CFAP54: variants seen among roughly 807,000 people sequenced by gnomAD.
CFAP54 encodes the protein cilia- and flagella-associated protein 54.
A neutral mutation model predicts 370.4 loss-of-function variants in CFAP54; 290 were observed. That is an observed-to-expected ratio of 0.78 (90% CI 0.71 to 0.86). The LOEUF is 0.86. Among genes scored for constraint, CFAP54 ranks in the 40% least tolerant of loss-of-function variants. The pLI, the probability that CFAP54 is intolerant of heterozygous loss-of-function variation, is 0.00. For missense variants in CFAP54, 3,399 were observed against 3,528.7 expected, an observed-to-expected ratio of 0.96 and a Z score of 0.93; for synonymous variants, 1,206 against 1,236.5, an observed-to-expected ratio of 0.98 and a Z score of 0.52.
chr12:96,658,674 G>A (rs886940028), intron 38 of CFAP54, among the ~76,000 whole-genome samples: 1 of 151,986 alleles, frequency 6.6e-6, no homozygotes, highest in African/African-American at 2.4e-5. Context: ...CACCCAGGCT[G>A]GAGTGCAGTG....
At chr12:96,613,433 G>GACACCCTA (rs1956380952) in intron 26 of CFAP54, among the ~76,000 whole-genome samples, 2 of 152,156 alleles carry the variant, frequency 1.3e-5, no homozygotes, top group African/African-American at 4.8e-5. Context: ...ATCTAAAATT[G>GACACCCTA]ACACCCTAGC....
chr12:96,823,124 GTGTGTGTGTGTGTC>G (rs1318179999), intron 65 of CFAP54, among the ~76,000 whole-genome samples: 2 of 44,642 alleles, frequency 4.5e-5, no homozygotes, highest in Non-Finnish European at 9.9e-5. Flanking sequence ...GTGTTTGTCT[GTGTGTGTGTGTGTC>G]TGTGTGTGTG....
chr12:96,581,371 A>G (rs1288494452), intron 22 of CFAP54, among the ~76,000 whole-genome samples: 2 of 152,180 alleles, frequency 1.3e-5, no homozygotes, highest in Non-Finnish European at 2.9e-5. Context: ...AAACACTGAA[A>G]TGCATAAAGA....
At chr12:96,686,225 C>A (rs971557413) in intron 42 of CFAP54, among the ~76,000 whole-genome samples, 2 of 152,124 alleles carry the variant, frequency 1.3e-5, no homozygotes, top group African/African-American at 4.8e-5. Flanking sequence ...GTGGTCTTTC[C>A]TCAGCATGTC....
intron 64 of CFAP54, among the ~76,000 whole-genome samples, chr12:96,817,344 C>G (rs1958986090): frequency 6.6e-6 from 1 of 151,976 alleles, no homozygotes; most frequent in East Asian, 1.9e-4. Context: ...ATGAATGATG[C>G]TTGGCGATAT....
At position 96,601,866 on chromosome 12, in the gene CFAP54, G is replaced by A. The variant is rs146869816; in HGVS notation, c.3639+3099G>A. 9.5e-3 allele frequency among the ~76,000 whole-genome samples: 1,438 copies of A among 151,996 alleles called. 13 individuals are homozygous for A. The highest frequency in any genetic ancestry group is 0.016 in the Non-Finnish European group (1,097 of 67,984). On this transcript the variant is annotated intron_variant, in intron 26 of 67. Coordinates refer to ENST00000524981, the MANE Select transcript of CFAP54 (RefSeq NM_001306084.2). ...CTCTCTTTTCTTCTTTATTAGTCTT[G>A]CTAGCAGTCTATCAATTCTGTTGAT... is the stretch of plus-strand genomic sequence containing the variant.
intron 8 of CFAP54, among the ~76,000 whole-genome samples, chr12:96,524,042 T>C (rs1263839842): frequency 6.6e-6 from 1 of 152,138 alleles, no homozygotes; most frequent in Non-Finnish European, 1.5e-5. Flanking sequence ...ATGTCCTGTT[T>C]TCTGTGTATG....
In CFAP54 at chr12:96,554,667, G is replaced by T; in HGVS notation, c.2284-9G>T. On this transcript the variant is annotated splice_polypyrimidine_tract_variant and intron_variant, in intron 16 of 67. Transcript: ENST00000524981. ...TATTTCTTTTTATTTCAACTCTGTT[G>T]GACCAAAGCGTACCCACCATATAGA... is the stretch of plus-strand genomic sequence containing the variant. 6.6e-7 allele frequency: 1 copy of T among 1,520,992 alleles called. No homozygotes were observed. Among genetic ancestry groups the T allele is most frequent in the Non-Finnish European group, 8.8e-7 (1 of 1,138,078 alleles). 94.2% of individuals were successfully genotyped at this position (1,520,992 alleles called of 1,614,324 possible).
intron 42 of CFAP54, among the ~76,000 whole-genome samples, chr12:96,685,633 C>T (rs1957321680): frequency 6.6e-6 from 1 of 152,020 alleles, no homozygotes; most frequent in South Asian, 2.1e-4. Flanking sequence ...CTCACTGCAA[C>T]CTCCGTCTCC....
intron 39 of CFAP54, among the ~76,000 whole-genome samples, chr12:96,664,277 C>G (rs1323932388): frequency 6.6e-6 from 1 of 152,120 alleles, no homozygotes; most frequent in Non-Finnish European, 1.5e-5. Flanking sequence ...TCCTGATCCT[C>G]TCCATCCTCT....
chr12:96,832,598 A>G (rs1041251074), intron 66 of CFAP54, among the ~76,000 whole-genome samples: 4 of 152,204 alleles, frequency 2.6e-5, no homozygotes, highest in Non-Finnish European at 5.9e-5. Flanking sequence ...CATCATTATT[A>G]TCATCATCCC....
chr12:96,555,959 A>G (rs1369349199), intron 17 of CFAP54, among the ~76,000 whole-genome samples: 2 of 152,006 alleles, frequency 1.3e-5, no homozygotes, highest in African/African-American at 2.4e-5. Context: ...GGAAAAAAAA[A>G]TCAGGTGAGT....
intron 38 of CFAP54, among the ~76,000 whole-genome samples, chr12:96,662,676 CTCCAGTAACTCCTG>C: frequency 6.6e-6 from 1 of 152,120 alleles, no homozygotes. Context: ...CCCCTGATCT[CTCCAGTAACTCCTG>C]TCCTATTACT....
At chr12:96,720,589 A>T in intron 50 of CFAP54, 24 bp downstream of exon 50, 1 of 1,433,410 alleles carries the variant, frequency 7.0e-7, no homozygotes. Context: ...TGCACAGGGG[A>T]GGGATACCTT....
intron 50 of CFAP54, among the ~76,000 whole-genome samples, chr12:96,732,160 G>A (rs1305460413): frequency 6.6e-6 from 1 of 152,028 alleles, no homozygotes; most frequent in Admixed American, 6.6e-5. Context: ...GAGTCTTGCT[G>A]TGTCACCCAG....
At chr12:96,619,946 C>T (rs1414178783) in intron 26 of CFAP54, among the ~76,000 whole-genome samples, 1 of 152,046 alleles carries the variant, frequency 6.6e-6, no homozygotes, top group Non-Finnish European at 1.5e-5. Context: ...TGACTCATGC[C>T]TATAATCCCA....
chr12:96,621,811 G>T (rs1448779046), intron 27 of CFAP54, 90 bp downstream of exon 27: 1 of 865,868 alleles, frequency 1.2e-6, no homozygotes. Flanking sequence ...TAGAAAATTG[G>T]TAAGTTTTAC....
chr12:96,527,181 G>A (rs12310818), intron 8 of CFAP54, 65 bp from the exon 9 acceptor site: 1 of 1,356,814 alleles, frequency 7.4e-7, no homozygotes, highest in Non-Finnish European at 9.7e-7. Flanking sequence ...ATAGGCATGA[G>A]CCACTGCGCC....
intron 39 of CFAP54, among the ~76,000 whole-genome samples, chr12:96,666,653 C>T (rs118117513): frequency 0.038 from 5,726 of 152,198 alleles, 134 homozygotes; most frequent in Middle Eastern, 0.071. Context: ...AAATCCACCC[C>T]GATGATTCAG....
Sources: allele counts gnomAD v4.1 joint callset (sites outside exome capture counted in the v4.1 genomes callset), GRCh38; gene constraint gnomAD v4.1.1; transcripts MANE v1.5; gene names NCBI Gene and HGNC (gene_info 2026-07-23, HGNC 2026-07-21).